PIGW: variants seen among roughly 807,000 people sequenced by gnomAD.
PIGW encodes the protein glucosaminyl-phosphatidylinositol-acyltransferase PIGW.
Under a neutral mutation model 34.0 loss-of-function variants are expected in PIGW, and 23 were observed. That is an observed-to-expected ratio of 0.68 (90% CI 0.49 to 0.96). The LOEUF is 0.96. Among genes scored for constraint, PIGW ranks in the 40% least tolerant of loss-of-function variants. The pLI is 0.00. For synonymous variants in PIGW, 225 were observed against 225.2 expected, an observed-to-expected ratio of 1.00 and a Z score of 0.01; for missense variants, 574 against 586.3, an observed-to-expected ratio of 0.98 and a Z score of 0.22.
Position 36,537,736 on chromosome 17 carries a change from T to G in PIGW, c.635T>G (p.Leu212Arg). The G allele has an allele frequency of 3.1e-6, 5 of 1,614,136 alleles. No homozygotes were observed. The highest frequency in any genetic ancestry group is 4.2e-6 in the Non-Finnish European group (5 of 1,180,004). ...SLYSVWPLVF[L>R]GIGRLAIIKS... ...TACTCTGTTTGGCCATTAGTCTTCC[T>G]AGGAATCGGACGATTAGCCATTATA... Residue 212 changes from leucine to arginine, a missense_variant, in exon 2 of 2, where the codon CTA becomes CGA. Physicochemically the swap from Leu to Arg is moderately radical, Grantham distance 102. Transcript: ENST00000614443.
intron 1 of PIGW, among the ~76,000 whole-genome samples, 192 bp from the exon 2 acceptor site, chr17:36,536,902 T>C (rs2074146659): frequency 6.6e-6 from 1 of 152,218 alleles, no homozygotes; most frequent in Admixed American, 6.5e-5. Context: ...GTATGACATT[T>C]CTATCTGAAC....
Position 36,537,421 on chromosome 17 carries a change from T to G in PIGW, c.320T>G (p.Leu107Arg), listed in dbSNP as rs148520565. The change falls in exon 2 of 2, where the codon CTG becomes CGG. Residue 107 changes from leucine (L) to arginine (R), a missense_variant. Transcript: ENST00000614443. ...IYRRRTCYARLPFLKILEKFL... is the reference protein window; with the variant it reads ...IYRRRTCYARRPFLKILEKFL... The stretch of plus-strand genomic sequence containing the variant: ...CGAAGGAGGACCTGCTATGCCAGAC[T>G]GCCTTTCCTAAAAATCCTTGAAAAA... 6.2e-6 allele frequency: 10 copies of G among 1,614,196 alleles called. No individual in the cohort carries two copies. Among genetic ancestry groups the G allele is most frequent in the Non-Finnish European group, 8.5e-6 (10 of 1,180,034 alleles).
intron 1 of PIGW, among the ~76,000 whole-genome samples, chr17:36,536,871 A>G (rs1377987063): frequency 2.0e-5 from 3 of 152,134 alleles, no homozygotes; most frequent in Admixed American, 6.5e-5. Context: ...AAGCTTTGTA[A>G]CCAATAATTT....
rs2142623795 is a variant in PIGW, at chr17:36,538,717, T to A, written c.*101T>A. 10 of 996,660 alleles carry A rather than the reference T, an allele frequency of 1.0e-5. No individual in the cohort carries two copies. Among genetic ancestry groups the A allele is most frequent in the Non-Finnish European group, 1.5e-5 (10 of 685,106 alleles). 61.7% of individuals were successfully genotyped at this position (996,660 alleles called of 1,614,324 possible). ...GGCAACAGTGTTAACCATATTTTAT[T>A]ATAAAATAGTTTCAGTCATCTAAAC... On this transcript the variant is annotated 3_prime_UTR_variant, in exon 2 of 2. Transcript: ENST00000614443.
At chr17:36,536,092 G>A (rs2074112764) in intron 1 of PIGW, among the ~76,000 whole-genome samples, 1 of 152,134 alleles carries the variant, frequency 6.6e-6, no homozygotes. Flanking sequence ...CCGTTTTTCA[G>A]ACAATGATGT....
At chr17:36,535,795 C>T (rs1211203331) in intron 1 of PIGW, among the ~76,000 whole-genome samples, 2 of 152,102 alleles carry the variant, frequency 1.3e-5, no homozygotes, top group East Asian at 1.9e-4. Flanking sequence ...TACAGGCGCG[C>T]ACCACCACGC....
chr17:36,537,190 C>T lies in PIGW; in HGVS notation c.89C>T (p.Ala30Val), dbSNP rs1472855234. The T allele has an allele frequency of 6.2e-7, 1 of 1,614,150 alleles. No individual in the cohort carries two copies. Among genetic ancestry groups the T allele is most frequent in the Admixed American group, 1.7e-5 (1 of 60,022 alleles). The change falls in exon 2 of 2, where the codon GCA becomes GTA. Residue 30 changes from alanine to valine, a missense_variant. By Grantham distance (64) the Ala-to-Val change is moderately conservative. Coordinates refer to ENST00000614443, the MANE Select transcript of PIGW (RefSeq NM_001346754.2). ...LEITQGLCFP[A>V]FCILCRGFLI... ...ATCACCCAGGGATTGTGCTTTCCTG[C>T]ATTCTGTATCCTGTGCAGAGGGTTC...
chr17:36,536,248 C>G (rs900746424), intron 1 of PIGW, among the ~76,000 whole-genome samples: 2 of 152,130 alleles, frequency 1.3e-5, no homozygotes, highest in Non-Finnish European at 2.9e-5. Flanking sequence ...AAGGAGCAGC[C>G]TGGGGATCCA....
chr17:36,538,720 A>G lies in PIGW; in HGVS notation c.*104A>G, dbSNP rs1599480083. ...AACAGTGTTAACCATATTTTATTAT[A>G]AAATAGTTTCAGTCATCTAAACAGC... On this transcript the variant is annotated 3_prime_UTR_variant, in exon 2 of 2. Transcript: ENST00000614443. 9.9e-7 allele frequency: 1 copy of G among 1,006,228 alleles called. No homozygotes were observed. The highest frequency in any genetic ancestry group is 1.4e-6 in the Non-Finnish European group (1 of 694,844). The allele number at this position is 1,006,228 out of a possible 1,614,324, so 62.3% of individuals were successfully genotyped here. A position where few individuals can be genotyped will look rare whatever the true frequency, so the allele number is the denominator to read the frequency against.
Position 36,537,272 on chromosome 17 carries a change from C to G in PIGW, c.171C>G (p.Phe57Leu). Residue 57 changes from phenylalanine (F) to leucine (L), a missense_variant, in exon 2 of 2, where the codon TTC becomes TTG. Transcript: ENST00000614443. ...CSFSPTWKTR[F>L]LTDFVVLIVP... ...TTTCACCTACCTGGAAAACTAGATTCCTCACTGACTTTGTTGTCCTAATAG... is the reference window on the plus strand; with the variant it reads ...TTTCACCTACCTGGAAAACTAGATTGCTCACTGACTTTGTTGTCCTAATAG... 1 of 1,613,974 alleles carries G rather than the reference C, an allele frequency of 6.2e-7. No individual in the cohort carries two copies. The highest frequency in any genetic ancestry group is 8.5e-7 in the Non-Finnish European group (1 of 1,180,014).
Position 36,535,364 on chromosome 17 carries a change from C to G in PIGW, c.-237C>G, listed in dbSNP as rs1254947254. ...CCCTAGAAGATCTGGCCTGCACCAG[C>G]CCAAAGGACATGACAGGAGTGGGTA... On this transcript the variant is annotated 5_prime_UTR_variant, in exon 1 of 2. Coordinates refer to ENST00000614443, the MANE Select transcript of PIGW (RefSeq NM_001346754.2). The G allele has an allele frequency of 6.6e-6, 1 of 152,352 alleles. No homozygotes were observed. Among genetic ancestry groups the G allele is most frequent in the African/African-American group, 2.4e-5 (1 of 41,476 alleles). The allele number at this position is 152,352 out of a possible 1,614,324, so 9.4% of individuals were successfully genotyped here. A position where few individuals can be genotyped will look rare whatever the true frequency, so the allele number is the denominator to read the frequency against.
chr17:36,535,287 T>G lies in PIGW; in HGVS notation c.-314T>G, dbSNP rs2074072711. 2 of 149,716 alleles carry G rather than the reference T, an allele frequency of 1.3e-5. No individual in the cohort carries two copies. The highest frequency in any genetic ancestry group is 2.9e-5 in the Non-Finnish European group (2 of 68,164). 9.3% of individuals were successfully genotyped at this position (149,716 alleles called of 1,614,324 possible). ...TCGCCGTGAGGTCTGAGGGGCCGTG[T>G]GAGGTGCATGGCGCGCCGTTTCCTC... On this transcript the variant is annotated 5_prime_UTR_variant, in exon 1 of 2. Coordinates refer to ENST00000614443, the MANE Select transcript of PIGW (RefSeq NM_001346754.2).
At position 36,536,976 on chromosome 17, in the gene PIGW, A is replaced by G. The variant is rs180867287; in HGVS notation, c.-8-118A>G. The G allele has an allele frequency of 8.4e-6, 7 of 835,644 alleles. No individual in the cohort carries two copies. In the Admixed American group the frequency reaches 2.0e-4, roughly 24 times the overall value. The allele number at this position is 835,644 out of a possible 1,614,324, so 51.8% of individuals were successfully genotyped here. ...GGAATCACAAATCCTAGGTGAACTC[A>G]TTAGGGCCCAAAGTTCTGCTCTGAA... On this transcript the variant is annotated intron_variant, in intron 1 of 1. Transcript: ENST00000614443.
chr17:36,537,811 A>G lies in PIGW; in HGVS notation c.710A>G (p.Asn237Ser). The G allele has an allele frequency of 6.2e-7, 1 of 1,614,120 alleles. No homozygotes were observed. The highest frequency in any genetic ancestry group is 8.5e-7 in the Non-Finnish European group (1 of 1,180,002). Residue 237 changes from asparagine (N) to serine (S), a missense_variant, in exon 2 of 2, where the codon AAC (asparagine) becomes AGC (serine). By Grantham distance (46) the Asn-to-Ser change is conservative. Transcript: ENST00000614443. Reference sequence around the variant, plus strand: ...TTAACAGAGTATGGAGTTCACTGGAACTTTTTCTTTACCATAATAGTTGTG... The same window carrying G: ...TTAACAGAGTATGGAGTTCACTGGAGCTTTTTCTTTACCATAATAGTTGTG... ...EHLTEYGVHWNFFFTIIVVKL... is the reference protein window; with the variant it reads ...EHLTEYGVHWSFFFTIIVVKL...
In PIGW at chr17:36,538,068, G is replaced by T. The variant is rs748371561; in HGVS notation, c.967G>T (p.Gly323Trp). The T allele has an allele frequency of 1.9e-6, 3 of 1,614,130 alleles. No individual in the cohort carries two copies. The highest frequency in any genetic ancestry group is 2.5e-6 in the Non-Finnish European group (3 of 1,180,024). ...VAIHMAGVQTGLYMHKNRSHI... is the reference protein window; with the variant it reads ...VAIHMAGVQTWLYMHKNRSHI... ...AATACACATGGCTGGTGTGCAAACA[G>T]GGTTATATATGCATAAGAACCGATC... is the stretch of plus-strand genomic sequence containing the variant. Residue 323 changes from glycine (G) to tryptophan (W), a missense_variant, in exon 2 of 2, where the codon GGG (glycine) becomes TGG (tryptophan). By Grantham distance (184) the Gly-to-Trp change is radical (BLOSUM62 -2). Transcript: ENST00000614443.
chr17:36,535,314 C>T lies in PIGW; in HGVS notation c.-287C>T, dbSNP rs2074073965. 3 of 150,870 alleles carry T rather than the reference C, an allele frequency of 2.0e-5. No individual in the cohort carries two copies. The highest frequency in any genetic ancestry group is 6.6e-5 in the Admixed American group (1 of 15,248). 9.3% of individuals were successfully genotyped at this position (150,870 alleles called of 1,614,324 possible). ...AGGTGCATGGCGCGCCGTTTCCTCT[C>T]CAGGCGCTCCTCTCAGGGCTACGGC... On this transcript the variant is annotated 5_prime_UTR_variant, in exon 1 of 2. Transcript: ENST00000614443.
Position 36,538,624 on chromosome 17 carries a change from G to C in PIGW, c.*8G>C, listed in dbSNP as rs763872595. On this transcript the variant is annotated 3_prime_UTR_variant, in exon 2 of 2. Coordinates refer to ENST00000614443, the MANE Select transcript of PIGW (RefSeq NM_001346754.2). Reference sequence around the variant, plus strand: ...ACTGTACAATTTTGGTGATCAGCAGGAGTAGGATATATAAGTATTTGGGCA... The same window carrying C: ...ACTGTACAATTTTGGTGATCAGCAGCAGTAGGATATATAAGTATTTGGGCA... 2.6e-6 allele frequency: 4 copies of C among 1,557,668 alleles called. No individual in the cohort carries two copies. Among genetic ancestry groups the C allele is most frequent in the African/African-American group, 1.4e-5 (1 of 72,832 alleles).
Position 36,538,034 on chromosome 17 carries a change from G to C in PIGW, c.933G>C (p.Gly311=). The part of the protein sequence containing the change: ...ANREGIISTL[G]YVAIHMAGVQ... ...GCGAAGGAATAATCTCTACCCTGGG[G>C]TATGTGGCAATACACATGGCTGGTG... The change falls in exon 2 of 2, where the codon GGG becomes GGC. Residue 311 remains glycine, a synonymous_variant. Coordinates refer to ENST00000614443, the MANE Select transcript of PIGW (RefSeq NM_001346754.2). 2 of 1,614,066 alleles carry C rather than the reference G, an allele frequency of 1.2e-6. No homozygotes were observed. The highest frequency in any genetic ancestry group is 1.7e-6 in the Non-Finnish European group (2 of 1,180,016).
chr17:36,538,387 C>A lies in PIGW; in HGVS notation c.1286C>A (p.Pro429His). 6.2e-7 allele frequency: 1 copy of A among 1,614,104 alleles called. No individual in the cohort carries two copies. The highest frequency in any genetic ancestry group is 8.5e-7 in the Non-Finnish European group (1 of 1,180,000). The change falls in exon 2 of 2, where the codon CCT (proline) becomes CAT (histidine). Residue 429 changes from proline (P) to histidine (H), a missense_variant. Pro to His is a moderately conservative substitution (Grantham distance 77). Coordinates refer to ENST00000614443, the MANE Select transcript of PIGW (RefSeq NM_001346754.2). ...AAAAAGCATTCAGAATCTCTAGTCC[C>A]TGAAGCCGAAAGAATGGAACCCAGT... The part of the protein sequence containing the change: ...TNKKHSESLV[P>H]EAERMEPSLC...
Sources: allele counts gnomAD v4.1 joint callset (sites outside exome capture counted in the v4.1 genomes callset), GRCh38; gene constraint gnomAD v4.1.1; transcripts MANE v1.5; gene names NCBI Gene and HGNC (gene_info 2026-07-23, HGNC 2026-07-21).